The following TRPC5OS variants were observed in gnomAD, a reference collection of about 807,000 sequenced individuals.
TRPC5OS encodes the protein putative uncharacterized protein TRPC5OS.
For missense variants in TRPC5OS, 64 were observed against 79.3 expected, an observed-to-expected ratio of 0.81 and a Z score of 0.73; for synonymous variants, 30 against 29.3, an observed-to-expected ratio of 1.02 and a Z score of -0.08.
chrX:111,890,911 C>T lies in TRPC5OS; in HGVS notation c.-545-5040C>T, dbSNP rs981487717. 2.7e-5 allele frequency among the ~76,000 whole-genome samples: 3 copies of T among 110,972 alleles called. No homozygotes were observed. In the Admixed American group the frequency reaches 2.9e-4, roughly 11 times the overall value. On this transcript the variant is annotated intron_variant, in intron 1 of 3. Coordinates refer to ENST00000635763, the MANE Select transcript of TRPC5OS (RefSeq NM_001195578.2). ...ATAGGCCCCAGTGTGTGTTGTTCTC[C>T]TTTATGTGTCCATGTGTTTTCACCA...
At chrX:111,895,742 C>T (rs911827314) in intron 1 of TRPC5OS, among the ~76,000 whole-genome samples, 1 of 111,384 alleles carries the variant, frequency 9.0e-6, no homozygotes, top group African/African-American at 3.3e-5. Flanking sequence ...CAGTACTACG[C>T]TGTCTTAATT....
At chrX:111,891,514 C>T (rs1469614981) in intron 1 of TRPC5OS, among the ~76,000 whole-genome samples, 5 of 111,358 alleles carry the variant, frequency 4.5e-5, no homozygotes. Context: ...TAGGTATAAT[C>T]CTTGCTACAC....
chrX:111,883,955 G>A (rs746862849), intron 1 of TRPC5OS, among the ~76,000 whole-genome samples: 1 of 112,931 alleles, frequency 8.9e-6, no homozygotes, highest in South Asian at 3.6e-4. Flanking sequence ...GCCTAGTTAA[G>A]TGTGAGTCAA....
At chrX:111,886,347 C>T (rs1398956797) in intron 1 of TRPC5OS, among the ~76,000 whole-genome samples, 1 of 112,516 alleles carries the variant, frequency 8.9e-6, no homozygotes, top group African/African-American at 3.2e-5. Context: ...TCAGTACATA[C>T]CCATGTAGCC....
At chrX:111,879,428 T>G (rs748723204) in intron 1 of TRPC5OS, among the ~76,000 whole-genome samples, 2 of 111,751 alleles carry the variant, frequency 1.8e-5, no homozygotes, top group Non-Finnish European at 3.8e-5. Context: ...GAACTAGGAG[T>G]GAGAATAAGT....
intron 1 of TRPC5OS, among the ~76,000 whole-genome samples, chrX:111,876,646 A>G (rs1923958659): frequency 1.8e-5 from 2 of 111,473 alleles, no homozygotes. Flanking sequence ...TCTGTTTAAT[A>G]TGACTTCCAG....
At chrX:111,881,713 A>C (rs2148599884) in intron 1 of TRPC5OS, among the ~76,000 whole-genome samples, 1 of 109,139 alleles carries the variant, frequency 9.2e-6, no homozygotes, top group African/African-American at 3.4e-5. Context: ...AGTGTGGTTA[A>C]GGTAAGTAAA....
chrX:111,881,135 G>T (rs1266728595), intron 1 of TRPC5OS, among the ~76,000 whole-genome samples: 3 of 99,423 alleles, frequency 3.0e-5, no homozygotes, highest in African/African-American at 1.4e-4. Flanking sequence ...GTTGTTTTGT[G>T]ATTTTCTTTT....
intron 1 of TRPC5OS, among the ~76,000 whole-genome samples, chrX:111,893,827 G>A (rs1282871582): frequency 9.0e-6 from 1 of 111,320 alleles, no homozygotes; most frequent in Non-Finnish European, 1.9e-5. Context: ...TTTTTTAAAG[G>A]CAAAAGTTTG....
chrX:111,884,818 G>A (rs1411703824), intron 1 of TRPC5OS, among the ~76,000 whole-genome samples: 3 of 112,809 alleles, frequency 2.7e-5, no homozygotes, highest in African/African-American at 9.6e-5. Context: ...GCCTATCTAG[G>A]GCATAAGTCT....
chrX:111,880,272 T>A (rs60068408), intron 1 of TRPC5OS, among the ~76,000 whole-genome samples: 4 of 111,556 alleles, frequency 3.6e-5, no homozygotes, highest in African/African-American at 1.3e-4. Context: ...AAGGGTTGTG[T>A]CTATATGTGC....
At chrX:111,879,049 C>T (rs1031394649) in intron 1 of TRPC5OS, among the ~76,000 whole-genome samples, 1 of 111,742 alleles carries the variant, frequency 8.9e-6, no homozygotes, top group East Asian at 2.8e-4. Context: ...GTTACAGCAG[C>T]GGTGTGTAAT....
intron 1 of TRPC5OS, among the ~76,000 whole-genome samples, chrX:111,895,204 G>T (rs1925006926): frequency 9.0e-6 from 1 of 111,460 alleles, no homozygotes; most frequent in African/African-American, 3.3e-5. Flanking sequence ...GGTATTGTCA[G>T]TCTTTTTCAT....
intron 1 of TRPC5OS, among the ~76,000 whole-genome samples, chrX:111,890,659 G>C (rs1474849858): frequency 8.9e-6 from 1 of 111,799 alleles, no homozygotes; most frequent in East Asian, 2.8e-4. Context: ...GTCAGACCAG[G>C]AGTCTGAAGA....
intron 1 of TRPC5OS, among the ~76,000 whole-genome samples, chrX:111,894,465 G>T (rs972586737): frequency 6.3e-5 from 7 of 111,870 alleles, no homozygotes; most frequent in South Asian, 3.7e-4. Context: ...TGCCTCAGGG[G>T]TCTTTATGAG....
At chrX:111,899,933 G>A (rs746588705) in intron 3 of TRPC5OS, among the ~76,000 whole-genome samples, 3 of 110,708 alleles carry the variant, frequency 2.7e-5, no homozygotes, top group South Asian at 7.7e-4. Flanking sequence ...CAACAAAATC[G>A]TGCCTTCTGG....
chrX:111,876,827 G>T (rs983761725), intron 1 of TRPC5OS, among the ~76,000 whole-genome samples: 3 of 111,642 alleles, frequency 2.7e-5, no homozygotes, highest in Non-Finnish European at 5.6e-5. Context: ...GGGTATGGTG[G>T]TGGTTTTTGT....
At position 111,891,838 on chromosome X, in the gene TRPC5OS, C is replaced by T. The variant is rs186540398; in HGVS notation, c.-545-4113C>T. ...CTGGGATTACAGGAGTGAGCCACCG[C>T]GCTTGGCCGCTACACAGGATTATTA... is the stretch of plus-strand genomic sequence containing the variant. On this transcript the variant is annotated intron_variant, in intron 1 of 3. Coordinates refer to ENST00000635763, the MANE Select transcript of TRPC5OS (RefSeq NM_001195578.2). Among the ~76,000 whole-genome samples, 1,070 of 111,540 alleles carry T rather than the reference C, an allele frequency of 9.6e-3. 10 individuals carry two copies. The highest frequency in any genetic ancestry group is 0.014 in the Non-Finnish European group (758 of 53,107).
At chrX:111,881,758 G>A (rs1282091734) in intron 1 of TRPC5OS, 1 of 110,850 alleles carries the variant, frequency 9.0e-6, no homozygotes, top group East Asian at 2.8e-4. Context: ...AAGCAGTAGA[G>A]TCTCCTCCCC....
Sources: gnomAD v4.1 joint callset for allele counts (sites outside exome capture counted in the v4.1 genomes callset) on GRCh38, gnomAD v4.1.1 for gene constraint, MANE v1.5 for transcripts, NCBI Gene and HGNC (gene_info 2026-07-23, HGNC 2026-07-21) for gene names.